Variants in ATP2B3 observed in about 807,000 individuals in gnomAD.
The protein encoded by ATP2B3 is ATPase plasma membrane Ca2+ transporting 3, also known as plasma membrane calcium-transporting ATPase 3.
A neutral mutation model predicts 70.8 loss-of-function variants in ATP2B3; 12 were observed. The ratio of observed to expected loss-of-function variants is 0.17; its 90% CI spans 0.11 to 0.27. ATP2B3 has a LOEUF of 0.27. ATP2B3 is among the 10% of genes least tolerant of loss of function. The pLI, the probability that ATP2B3 is intolerant of heterozygous loss-of-function variation, is 1.00. For missense variants in ATP2B3, 858 were observed against 1,118.5 expected, an observed-to-expected ratio of 0.77 and a Z score of 3.32; for synonymous variants, 460 against 497.8, an observed-to-expected ratio of 0.92 and a Z score of 1.01.
chrX:153,531,009 T>C (rs2090109328), intron 2 of ATP2B3, among the ~76,000 whole-genome samples: 2 of 112,069 alleles, frequency 1.8e-5, no homozygotes, highest in South Asian at 7.5e-4. Flanking sequence ...CCTGGCTGCA[T>C]GCAGGCCTTG....
intron 21 of ATP2B3, among the ~76,000 whole-genome samples, chrX:153,566,552 C>T (rs1424332210): frequency 9.0e-6 from 1 of 111,625 alleles, no homozygotes; most frequent in Non-Finnish European, 1.9e-5. Flanking sequence ...AGGGCAACCC[C>T]ACTCCCTGGG....
At chrX:153,527,855 C>A (rs782093189) in intron 2 of ATP2B3, among the ~76,000 whole-genome samples, 6 of 112,461 alleles carry the variant, frequency 5.3e-5, no homozygotes, top group Non-Finnish European at 9.4e-5. Context: ...GAGCGTGTGG[C>A]GGGAGGGGCT....
chrX:153,548,780 G>C lies in ATP2B3; in HGVS notation c.1264G>C (p.Val422Leu), dbSNP rs782618407. 2 of 1,211,908 alleles carry C rather than the reference G, an allele frequency of 1.7e-6. No individual in the cohort carries two copies. The highest frequency in any genetic ancestry group is 5.9e-5 in the East Asian group (2 of 33,829). The change falls in exon 10 of 22, where the codon GTC becomes CTC. Residue 422 changes from valine (V) to leucine (L), a missense_variant. Physicochemically the swap from Val to Leu is conservative, Grantham distance 32 (BLOSUM62 1). Coordinates refer to ENST00000263519, the MANE Select transcript of ATP2B3 (RefSeq NM_001001344.3). ...QYFVKFFIIG[V>L]TVLVVAVPEG... is the part of the protein sequence containing the mutation. ...CTTCGTGAAGTTCTTCATCATTGGT[G>C]TCACTGTGCTGGTCGTGGCTGTCCC...
At chrX:153,527,066 G>A (rs782070686) in intron 2 of ATP2B3, among the ~76,000 whole-genome samples, 1 of 112,576 alleles carries the variant, frequency 8.9e-6, no homozygotes, top group East Asian at 2.8e-4. Flanking sequence ...ACAGCCCCAT[G>A]GCCTCCAGCT....
intron 21 of ATP2B3, among the ~76,000 whole-genome samples, chrX:153,570,517 A>G (rs1022290007): frequency 1.8e-5 from 2 of 112,482 alleles, no homozygotes; most frequent in African/African-American, 6.5e-5. Flanking sequence ...AGAAACTTCC[A>G]GAATTGCTCA....
chrX:153,565,483 G>A (rs2090692226), intron 21 of ATP2B3, among the ~76,000 whole-genome samples: 2 of 112,875 alleles, frequency 1.8e-5, no homozygotes, highest in South Asian at 7.2e-4. Context: ...CGGGAAGAGA[G>A]GCCCATTTCA....
At position 153,580,079 on chromosome X, in the gene ATP2B3, G is replaced by A; in HGVS notation, c.3444G>A (p.Leu1148=). The A allele has an allele frequency of 8.3e-7, 1 of 1,212,077 alleles. No individual in the cohort carries two copies. Among genetic ancestry groups the A allele is most frequent in the Non-Finnish European group, 1.1e-6 (1 of 895,577 alleles). ...IHNFMATPEF[L]INDYTHNIPL... The stretch of plus-strand genomic sequence containing the variant: ...ACTTCATGGCCACGCCCGAGTTTCT[G>A]ATCAATGACTACACCCACAACATCC... The change falls in exon 22 of 22, where the codon CTG becomes CTA. Residue 1148 remains leucine, a synonymous_variant. Transcript: ENST00000263519.
At chrX:153,562,451 C>T (rs1557016707) in intron 20 of ATP2B3, among the ~76,000 whole-genome samples, 2 of 112,189 alleles carry the variant, frequency 1.8e-5, no homozygotes. Context: ...TGGGATGTGA[C>T]AGGGCCCAGG....
intron 20 of ATP2B3, 67 bp from the exon 21 acceptor site, chrX:153,564,854 G>C: frequency 9.6e-7 from 1 of 1,045,673 alleles, no homozygotes; most frequent in Non-Finnish European, 1.3e-6. Flanking sequence ...CCTCTGGAGA[G>C]GGACCTTACA....
chrX:153,567,581 G>A (rs1484811525), intron 21 of ATP2B3, among the ~76,000 whole-genome samples: 1 of 113,003 alleles, frequency 8.8e-6, no homozygotes, highest in African/African-American at 3.2e-5. Flanking sequence ...AGTGGTGTCA[G>A]TGGTACCCCG....
intron 11 of ATP2B3, 65 bp from the exon 12 acceptor site, chrX:153,549,980 C>T (rs1187983618): frequency 2.0e-5 from 24 of 1,180,753 alleles, no homozygotes; most frequent in Non-Finnish European, 2.5e-5. Flanking sequence ...AGAGCTGGGG[C>T]TCCAGGGGCA....
intron 2 of ATP2B3, among the ~76,000 whole-genome samples, chrX:153,522,254 G>C (rs2089968828): frequency 8.9e-6 from 1 of 112,872 alleles, no homozygotes; most frequent in African/African-American, 3.2e-5. Flanking sequence ...TGTGTGCCAG[G>C]CTCTGTGTTT....
rs1353218381 is a variant in ATP2B3 at position 153,553,329 on chromosome X, C to T, written c.2058+60C>T. 4.7e-6 allele frequency: 5 copies of T among 1,059,577 alleles called. No individual in the cohort carries two copies. The East Asian group carries it at 1.2e-4, about 26-fold the overall frequency. 87.3% of individuals were successfully genotyped at this position (1,059,577 alleles called of 1,213,427 possible). On this transcript the variant is annotated intron_variant, in intron 13 of 21. Transcript: ENST00000263519. ...ACTGTGCCCTCTGCCCGAGCTTGTC[C>T]GGACTGGTAGGGGCGGCCTTCCTTC...
chrX:153,542,276 C>T lies in ATP2B3; in HGVS notation c.665-47C>T, dbSNP rs782569272. 1.5e-5 allele frequency: 18 copies of T among 1,203,051 alleles called. No homozygotes were observed. The South Asian group carries it at 2.2e-4, about 14-fold the overall frequency. ...CTGACGGGACCTCCCCTGGGGCAGCCGGGAGGAGGCGGTGGGGAGAAAGGC... is the reference window on the plus strand; with the variant it reads ...CTGACGGGACCTCCCCTGGGGCAGCTGGGAGGAGGCGGTGGGGAGAAAGGC... On this transcript the variant is annotated intron_variant, in intron 5 of 21. Coordinates refer to ENST00000263519, the MANE Select transcript of ATP2B3 (RefSeq NM_001001344.3).
chrX:153,545,465 G>C (rs1430469255), intron 7 of ATP2B3, among the ~76,000 whole-genome samples: 11 of 113,206 alleles, frequency 9.7e-5, no homozygotes, highest in African/African-American at 3.2e-4. Context: ...GAGGTCAGGA[G>C]TTGGAGACCA....
chrX:153,556,344 G>A lies in ATP2B3; in HGVS notation c.2252G>A (p.Arg751Gln), dbSNP rs782550835. 18 of 1,204,795 alleles carry A rather than the reference G, an allele frequency of 1.5e-5. No homozygotes were observed. The highest frequency in any genetic ancestry group is 1.8e-5 in the South Asian group (1 of 55,682). ...RNEKGEIEQE[R>Q]LDKVWPKLRV... Reference sequence around the variant, plus strand: ...TCCCCTCCCCAGATAGAACAGGAGCGGCTGGACAAGGTGTGGCCCAAGCTG... The same window carrying A: ...TCCCCTCCCCAGATAGAACAGGAGCAGCTGGACAAGGTGTGGCCCAAGCTG... Residue 751 changes from arginine (R) to glutamine (Q), a missense_variant, in exon 15 of 22, where the codon CGG (arginine) becomes CAG (glutamine). Around this residue, in one of 5 missense-constraint regions of ATP2B3, gnomAD observed 242 missense variants for 281.3 expected, o/e 0.86. Transcript: ENST00000263519.
intron 21 of ATP2B3, chrX:153,574,990 T>C (rs1569536144): frequency 3.7e-6 from 1 of 273,267 alleles, no homozygotes; most frequent in East Asian, 1.1e-4. Flanking sequence ...TCAGCATGTC[T>C]CCTCTGGGCA....
chrX:153,529,224 G>T (rs1557000919), intron 2 of ATP2B3, among the ~76,000 whole-genome samples: 1 of 111,943 alleles, frequency 8.9e-6, no homozygotes, highest in Non-Finnish European at 1.9e-5. Context: ...AGTGGTGATG[G>T]CCTCTCTCCA....
At chrX:153,541,615 C>T (rs1273092671) in intron 4 of ATP2B3, 54 bp from the exon 5 acceptor site, 14 of 1,206,890 alleles carry the variant, frequency 1.2e-5, no homozygotes, top group East Asian at 8.9e-5. Flanking sequence ...AGATGAGGGA[C>T]GGTCACAGGA....
Sources: allele counts gnomAD v4.1 joint callset (sites outside exome capture counted in the v4.1 genomes callset), GRCh38; gene constraint gnomAD v4.1.1; regional missense constraint gnomAD v4.1.1; transcripts MANE v1.5; gene names NCBI Gene and HGNC (gene_info 2026-07-23, HGNC 2026-07-21).